The following CIT variants were observed in gnomAD, a reference collection of about 807,000 sequenced individuals.
The protein encoded by CIT is citron Rho-interacting kinase.
A neutral mutation model predicts 272.7 loss-of-function variants in CIT; 79 were observed. That is an observed-to-expected ratio of 0.29 (90% CI 0.24 to 0.35). The LOEUF is 0.35. Among genes scored for constraint, CIT ranks in the 10% least tolerant of loss-of-function variants. The pLI is 1.00. For missense variants in CIT, 1,909 were observed against 2,618.3 expected (o/e 0.73, Z 5.91); for synonymous variants, 948 against 995.6 (o/e 0.95, Z 0.90).
rs1455787636 is a variant in CIT, at chr12:119,785,018, T to TC, written c.1342dup (p.Glu448GlyfsTer40). ...TTTGCTTTTGATGAGAAGTTTCTTTTCCATGGAGCTAGTCTTGGCAGGGGA... is the reference window on the plus strand; with the variant it reads ...TTTGCTTTTGATGAGAAGTTTCTTTTCCCATGGAGCTAGTCTTGGCAGGGGA... On this transcript the variant is annotated frameshift_variant, in exon 11 of 48. Coordinates refer to ENST00000392521, the MANE Select transcript of CIT (RefSeq NM_001206999.2). LOFTEE classifies it high-confidence loss of function. 1 of 1,614,196 alleles carries TC rather than the reference T, an allele frequency of 6.2e-7. No homozygotes were observed. Among genetic ancestry groups the TC allele is most frequent in the Non-Finnish European group, 8.5e-7 (1 of 1,180,028 alleles).
At chr12:119,746,680 T>G (rs2137364741) in intron 23 of CIT, among the ~76,000 whole-genome samples, 1 of 152,326 alleles carries the variant, frequency 6.6e-6, no homozygotes, top group South Asian at 2.1e-4. Context: ...TCCATTAAAA[T>G]TAACCATTAT....
At chr12:119,751,208 T>G (rs1466194974) in intron 23 of CIT, among the ~76,000 whole-genome samples, 1 of 152,282 alleles carries the variant, frequency 6.6e-6, no homozygotes, top group East Asian at 1.9e-4. Flanking sequence ...TATACTTCCC[T>G]GAATGGGAAA....
At chr12:119,866,022 C>T (rs751714331) in intron 3 of CIT, among the ~76,000 whole-genome samples, 6 of 152,064 alleles carry the variant, frequency 3.9e-5, no homozygotes, top group Non-Finnish European at 8.8e-5. Flanking sequence ...CCACGCATCC[C>T]CCATTCCATG....
In CIT at chr12:119,757,512, C is replaced by T. The variant is rs1961163934; in HGVS notation, c.2565G>A (p.Arg855=). 1.2e-6 allele frequency: 2 copies of T among 1,613,930 alleles called. No homozygotes were observed. The highest frequency in any genetic ancestry group is 1.7e-5 in the Admixed American group (1 of 59,980). Residue 855 remains arginine (R), a synonymous_variant, in exon 22 of 48, where the codon AGG becomes AGA. Transcript: ENST00000392521. ...GTGTCTCCAGGTAAAATTTCTGTTGCCTGAGTTCAGAAATCATCTCTTCTT... is the reference window on the plus strand; with the variant it reads ...GTGTCTCCAGGTAAAATTTCTGTTGTCTGAGTTCAGAAATCATCTCTTCTT... The part of the protein sequence containing the change: ...KAQEEMISEL[R]QQKFYLETQA...
chr12:119,700,533 C>T (rs1956498280), intron 44 of CIT, among the ~76,000 whole-genome samples: 1 of 152,164 alleles, frequency 6.6e-6, no homozygotes, highest in Non-Finnish European at 1.5e-5. Context: ...CAGGCACATG[C>T]CACCATGCCT....
chr12:119,794,437 G>C (rs1332023056), intron 10 of CIT, among the ~76,000 whole-genome samples: 2 of 152,210 alleles, frequency 1.3e-5, no homozygotes, highest in Non-Finnish European at 2.9e-5. Context: ...CCTGCAAGTA[G>C]AGATGCCCAG....
chr12:119,721,506 C>T (rs1957813180), intron 28 of CIT, 57 bp from the exon 29 acceptor site: 5 of 1,453,876 alleles, frequency 3.4e-6, no homozygotes, highest in Admixed American at 2.0e-5. Context: ...CAATTTGTTC[C>T]CCTGCTGTTC....
At position 119,869,103 on chromosome 12, in the gene CIT, A is replaced by G. The variant is rs767765395; in HGVS notation, c.195T>C (p.Pro65=). ...LFVLFEECSQ[P]ALMKIKHVSN... ...TCACGTGCTTAATCTTCATCAGAGC[A>G]GGCTGACTGCATTCTTCAAAGAGAA... The change falls in exon 3 of 48, where the codon CCT becomes CCC. Residue 65 remains proline, a synonymous_variant. Coordinates refer to ENST00000392521, the MANE Select transcript of CIT (RefSeq NM_001206999.2). 6.2e-7 allele frequency: 1 copy of G among 1,612,750 alleles called. No homozygotes were observed. The highest frequency in any genetic ancestry group is 8.5e-7 in the Non-Finnish European group (1 of 1,179,652).
At chr12:119,862,816 AAAAAAAAAAAAAAAAAAAAAAAAAG>A (rs1566141697) in intron 3 of CIT, among the ~76,000 whole-genome samples, 3 of 128,064 alleles carry the variant, frequency 2.3e-5, no homozygotes, top group African/African-American at 1.0e-4. Flanking sequence ...CCTAAAAAAA[AAAAAAAAAAAAAAAAAAAAAAAAAG>A]AAAAAACCAA....
At chr12:119,738,926 A>G (rs1317725111) in intron 24 of CIT, among the ~76,000 whole-genome samples, 2 of 150,664 alleles carry the variant, frequency 1.3e-5, no homozygotes, top group African/African-American at 2.4e-5. Flanking sequence ...TGTCAAAAAG[A>G]AAAAAAAACA....
Position 119,770,936 on chromosome 12 carries a change from G to A in CIT, c.2083-26C>T. 6.2e-7 allele frequency: 1 copy of A among 1,612,108 alleles called. No individual in the cohort carries two copies. Among genetic ancestry groups the A allele is most frequent in the Non-Finnish European group, 8.5e-7 (1 of 1,179,564 alleles). The stretch of plus-strand genomic sequence containing the variant: ...CTGTAGATCATGAATCAATCAGAGA[G>A]TTTTAATGGAGTAACCGCTATGGGC... On this transcript the variant is annotated intron_variant, in intron 17 of 47. Coordinates refer to ENST00000392521, the MANE Select transcript of CIT (RefSeq NM_001206999.2). The surrounding 1 kb of genome is among the most constrained non-coding windows in gnomAD (Gnocchi z 4.4).
chr12:119,826,767 A>C (rs1849221045), intron 7 of CIT, among the ~76,000 whole-genome samples: 1 of 152,214 alleles, frequency 6.6e-6, no homozygotes. Context: ...TGGTAAGTGA[A>C]ACTGAGTGAG....
At chr12:119,874,315 G>T (rs1476804814) in intron 2 of CIT, among the ~76,000 whole-genome samples, 1 of 151,998 alleles carries the variant, frequency 6.6e-6, no homozygotes, top group East Asian at 1.9e-4. Flanking sequence ...CAAGTAATCC[G>T]CCCGCCTCAG....
At chr12:119,772,939 G>A (rs1213367469) in intron 16 of CIT, 29 bp from the exon 17 acceptor site, 4 of 1,598,462 alleles carry the variant, frequency 2.5e-6, no homozygotes, top group South Asian at 1.1e-5. Flanking sequence ...AAGGAGATAG[G>A]TGGGCAAATT....
chr12:119,831,032 A>AT (rs780289734), intron 7 of CIT, among the ~76,000 whole-genome samples: 5 of 152,044 alleles, frequency 3.3e-5, no homozygotes, highest in Non-Finnish European at 7.4e-5. Context: ...TGTCTGGCTA[A>AT]TTTTTTGATT....
intron 3 of CIT, 41 bp from the exon 4 acceptor site, chr12:119,857,739 T>G (rs538274635): frequency 6.5e-7 from 1 of 1,535,368 alleles, no homozygotes; most frequent in Non-Finnish European, 8.8e-7. Context: ...AAATAAAGCA[T>G]GCAAATATAT....
chr12:119,724,927 T>A lies in CIT; in HGVS notation c.3592-3478A>T, dbSNP rs1235529804. On this transcript the variant is annotated intron_variant, in intron 28 of 47. Coordinates refer to ENST00000392521, the MANE Select transcript of CIT (RefSeq NM_001206999.2). ...GTCTGGGCGACAGAGCGAGACTCCATCTCAAAAAAAAAAAAAAAAAAAAAA... is the reference window on the plus strand; with the variant it reads ...GTCTGGGCGACAGAGCGAGACTCCAACTCAAAAAAAAAAAAAAAAAAAAAA... Among the ~76,000 whole-genome samples the A allele has an allele frequency of 9.0e-5, 6 of 66,442 alleles. No homozygotes were observed. In the Admixed American group the frequency reaches 1.4e-3, roughly 16 times the overall value. The allele number at this position is 66,442 out of a possible 152,430, so 43.6% of individuals were successfully genotyped here.
intron 39 of CIT, among the ~76,000 whole-genome samples, chr12:119,709,026 G>C (rs1957019004): frequency 7.9e-6 from 1 of 127,022 alleles, no homozygotes; most frequent in African/African-American, 4.9e-5. Flanking sequence ...GAACCGTTCA[G>C]ATTAAAGGAG....
chr12:119,744,510 G>T (rs987937067), intron 23 of CIT, among the ~76,000 whole-genome samples: 1 of 151,782 alleles, frequency 6.6e-6, no homozygotes, highest in Non-Finnish European at 1.5e-5. Context: ...ATCATGAGGT[G>T]AGGAGATTAA....
Sources: gnomAD v4.1 joint callset for allele counts (sites outside exome capture counted in the v4.1 genomes callset) on GRCh38, gnomAD v4.1.1 for gene constraint, Gnocchi (gnomAD v3.1) non-coding constraint, MANE v1.5 for transcripts, NCBI Gene and HGNC (gene_info 2026-07-23, HGNC 2026-07-21) for gene names.